The following SSBP2 variants were observed in gnomAD, a reference collection of about 807,000 sequenced individuals.
SSBP2 encodes the protein single stranded DNA binding protein 2.
In SSBP2, 17 loss-of-function variants were observed where a neutral mutation model predicts 61.8. The ratio of observed to expected loss-of-function variants is 0.28; its 90% CI spans 0.19 to 0.41. SSBP2 has a LOEUF of 0.41. Among genes scored for constraint, SSBP2 ranks in the 10% least tolerant of loss-of-function variants. The pLI, the probability that SSBP2 is intolerant of heterozygous loss-of-function variation, is 1.00. For missense variants in SSBP2, 310 were observed against 458.7 expected (o/e 0.68, Z 2.96); for synonymous variants, 139 against 141.3 (o/e 0.98, Z 0.12).
At chr5:81,622,120 TAAAA>T (rs76185243) in intron 3 of SSBP2, among the ~76,000 whole-genome samples, 11 of 127,080 alleles carry the variant, frequency 8.7e-5, no homozygotes, top group South Asian at 5.0e-4. Context: ...AAAAAAAAAT[TAAAA>T]AAAAAAAAAA....
At chr5:81,530,755 C>T (rs540548282) in intron 4 of SSBP2, among the ~76,000 whole-genome samples, 1 of 152,168 alleles carries the variant, frequency 6.6e-6, no homozygotes, top group Non-Finnish European at 1.5e-5. Context: ...TGCCTTATTA[C>T]TACTGGAATC....
At chr5:81,661,170 A>C (rs1750663747) in intron 1 of SSBP2, among the ~76,000 whole-genome samples, 1 of 152,176 alleles carries the variant, frequency 6.6e-6, no homozygotes, top group Non-Finnish European at 1.5e-5. Flanking sequence ...ACTTTAAAAA[A>C]TTGTTTTTTA....
At chr5:81,719,702 T>C (rs1031599602) in intron 1 of SSBP2, among the ~76,000 whole-genome samples, 2 of 152,094 alleles carry the variant, frequency 1.3e-5, no homozygotes, top group Non-Finnish European at 2.9e-5. Context: ...CAGGTCCATA[T>C]GGGAAGGCAC....
intron 4 of SSBP2, among the ~76,000 whole-genome samples, chr5:81,526,264 T>C (rs904931470): frequency 5.9e-5 from 9 of 152,054 alleles, no homozygotes; most frequent in Non-Finnish European, 1.2e-4. Flanking sequence ...TCTGAAACAG[T>C]ATGCATCTAA....
intron 4 of SSBP2, among the ~76,000 whole-genome samples, chr5:81,559,632 GT>G (rs1772887567): frequency 1.3e-5 from 2 of 151,952 alleles, no homozygotes; most frequent in African/African-American, 4.8e-5. Flanking sequence ...AATTATGTGA[GT>G]TATTGAACTT....
At chr5:81,588,532 T>C (rs79182559) in intron 4 of SSBP2, among the ~76,000 whole-genome samples, 1 of 152,006 alleles carries the variant, frequency 6.6e-6, no homozygotes, top group Non-Finnish European at 1.5e-5. Context: ...CTTTTTTTTT[T>C]CTATTTCCCA....
chr5:81,422,010 T>C (rs1396846633), intron 16 of SSBP2, among the ~76,000 whole-genome samples: 1 of 152,166 alleles, frequency 6.6e-6, no homozygotes, highest in East Asian at 1.9e-4. Flanking sequence ...GTTTCTAAAT[T>C]AAAATGTAAA....
rs187650726 is a variant in SSBP2, at chr5:81,734,179, A to G, written c.62+16802T>C. Among the ~76,000 whole-genome samples, 307 of 152,320 alleles carry G rather than the reference A, an allele frequency of 2.0e-3. 2 individuals carry two copies. Among genetic ancestry groups the G allele is most frequent in the African/African-American group, 7.2e-3 (298 of 41,580 alleles). On this transcript the variant is annotated intron_variant, in intron 1 of 16. Coordinates refer to ENST00000320672, the MANE Select transcript of SSBP2 (RefSeq NM_012446.5). ...ACCTATACTTGTTTCTTTGCCTTTT[A>G]TAATTCCTTAAATACACAGATAAAA...
Position 81,622,898 on chromosome 5 carries a change from T to G in SSBP2, c.198-7341A>C, listed in dbSNP as rs1246979048. ...GGGGAAAAACGTGAAAAACTGCGTA[T>G]CGACATTATTTCCTTCTCAATTTCT... On this transcript the variant is annotated intron_variant, in intron 3 of 16. Transcript: ENST00000320672. 3.9e-5 allele frequency among the ~76,000 whole-genome samples: 6 copies of G among 152,330 alleles called. No individual in the cohort carries two copies. In the South Asian group the frequency reaches 1.0e-3, roughly 26 times the overall value.
At chr5:81,681,815 A>G (rs1356082519) in intron 1 of SSBP2, among the ~76,000 whole-genome samples, 1 of 152,126 alleles carries the variant, frequency 6.6e-6, no homozygotes, top group East Asian at 1.9e-4. Context: ...AAAATTGATA[A>G]GCCTCTAGCA....
At chr5:81,505,045 G>A (rs1160087805) in intron 5 of SSBP2, among the ~76,000 whole-genome samples, 7 of 152,186 alleles carry the variant, frequency 4.6e-5, no homozygotes, top group African/African-American at 1.2e-4. Context: ...TTAGAGAAAC[G>A]CTGGTCCTTA....
chr5:81,555,550 T>G (rs939225435), intron 4 of SSBP2, among the ~76,000 whole-genome samples: 3 of 152,132 alleles, frequency 2.0e-5, no homozygotes, highest in Admixed American at 2.0e-4. Context: ...TGCCTGACCC[T>G]GCCACATTGT....
chr5:81,533,369 T>A, intron 4 of SSBP2, among the ~76,000 whole-genome samples: 1 of 151,612 alleles, frequency 6.6e-6, no homozygotes, highest in Non-Finnish European at 1.5e-5. Context: ...ATTTGTGGGG[T>A]AAAGCTAAAT....
At chr5:81,735,820 A>G (rs1756563555) in intron 1 of SSBP2, among the ~76,000 whole-genome samples, 1 of 152,202 alleles carries the variant, frequency 6.6e-6, no homozygotes, top group African/African-American at 2.4e-5. Context: ...GATAAAATAG[A>G]ACATCGATAA....
At chr5:81,476,318 T>C (rs1425601508) in intron 6 of SSBP2, among the ~76,000 whole-genome samples, 2 of 152,148 alleles carry the variant, frequency 1.3e-5, no homozygotes, top group African/African-American at 4.8e-5. Flanking sequence ...AATGTTTCTT[T>C]TTTCTTTCTG....
chr5:81,723,664 G>A (rs1755689865), intron 1 of SSBP2, among the ~76,000 whole-genome samples: 1 of 151,908 alleles, frequency 6.6e-6, no homozygotes, highest in Admixed American at 6.6e-5. Flanking sequence ...AGGTCTTCCT[G>A]ATTTCTGAGT....
At chr5:81,592,542 C>T (rs1775607420) in intron 4 of SSBP2, among the ~76,000 whole-genome samples, 1 of 152,224 alleles carries the variant, frequency 6.6e-6, no homozygotes, top group African/African-American at 2.4e-5. Context: ...CAGACTGCCT[C>T]CTCAAGTGGG....
chr5:81,622,412 T>A (rs1746683356), intron 3 of SSBP2, among the ~76,000 whole-genome samples: 1 of 152,182 alleles, frequency 6.6e-6, no homozygotes, highest in Admixed American at 6.5e-5. Flanking sequence ...TTAAGACAAG[T>A]AGTTAAGAGC....
At chr5:81,697,173 T>C (rs1326425249) in intron 1 of SSBP2, among the ~76,000 whole-genome samples, 1 of 152,252 alleles carries the variant, frequency 6.6e-6, no homozygotes, top group Non-Finnish European at 1.5e-5. Context: ...GGCTGTCCAG[T>C]TGAAACTTGA....
Sources: allele counts gnomAD v4.1 joint callset (sites outside exome capture counted in the v4.1 genomes callset), GRCh38; gene constraint gnomAD v4.1.1; transcripts MANE v1.5; gene names NCBI Gene and HGNC (gene_info 2026-07-23, HGNC 2026-07-21).